The following SCLT1 variants were observed in gnomAD, a reference collection of about 807,000 sequenced individuals.
SCLT1 encodes the protein sodium channel and clathrin linker 1.
SCLT1 carries 78 observed loss-of-function variants against 112.8 expected under a neutral mutation model. The ratio of observed to expected loss-of-function variants is 0.69; its 90% CI spans 0.58 to 0.83. SCLT1 has a LOEUF of 0.83. Ranked by LOEUF, SCLT1 falls within the 40% of genes least tolerant of loss-of-function variation. The pLI is 0.00. For synonymous variants in SCLT1, 257 were observed against 254.7 expected, an observed-to-expected ratio of 1.01 and a Z score of -0.09; for missense variants, 747 against 770.4, an observed-to-expected ratio of 0.97 and a Z score of 0.36.
chr4:128,891,278 TCTCAAGGAC>T, intron 18 of SCLT1, 141 bp from the exon 19 acceptor site: 1 of 624,198 alleles, frequency 1.6e-6, no homozygotes, highest in South Asian at 2.1e-5. Flanking sequence ...ATAGACCATA[TCTCAAGGAC>T]TTGTTTATTT....
intron 1 of SCLT1, among the ~76,000 whole-genome samples, chr4:129,088,154 A>C (rs1009288714): frequency 2.6e-5 from 4 of 152,174 alleles, no homozygotes; most frequent in Admixed American, 2.6e-4. Context: ...AAATTCAACA[A>C]TATAGAAAAA....
At chr4:128,883,797 T>C (rs1191387215), downstream of SCLT1, among the ~76,000 whole-genome samples, 3 of 152,210 alleles carry the variant, frequency 2.0e-5, no homozygotes, top group Non-Finnish European at 4.4e-5. Flanking sequence ...AACATGTATC[T>C]ATGAAGATCA....
At chr4:128,895,218 C>T (rs1426735462) in intron 18 of SCLT1, among the ~76,000 whole-genome samples, 1 of 152,132 alleles carries the variant, frequency 6.6e-6, no homozygotes, top group African/African-American at 2.4e-5. Flanking sequence ...TAGTGGGTTT[C>T]CCTCTCTAAA....
intron 5 of SCLT1, among the ~76,000 whole-genome samples, chr4:129,011,344 C>T (rs1187866228): frequency 6.6e-6 from 1 of 151,972 alleles, no homozygotes; most frequent in Non-Finnish European, 1.5e-5. Context: ...GGATTTTTGT[C>T]TCTATGTTCA....
intron 5 of SCLT1, chr4:129,036,839 T>C (rs1465377352): frequency 4.6e-5 from 7 of 151,690 alleles, no homozygotes; most frequent in Non-Finnish European, 8.8e-5. Flanking sequence ...ATAAAATTAC[T>C]ACATAACATA....
At chr4:129,089,158 A>G (rs1028336068) in intron 1 of SCLT1, among the ~76,000 whole-genome samples, 1 of 152,226 alleles carries the variant, frequency 6.6e-6, no homozygotes, top group Non-Finnish European at 1.5e-5. Context: ...GCAAATTTAC[A>G]AGAGAAAAGC....
intron 18 of SCLT1, among the ~76,000 whole-genome samples, chr4:128,929,773 G>A (rs959009226): frequency 1.3e-5 from 2 of 152,170 alleles, no homozygotes; most frequent in Admixed American, 6.5e-5. Flanking sequence ...AAATGTTTCA[G>A]GGATGAATGG....
intron 5 of SCLT1, among the ~76,000 whole-genome samples, chr4:129,018,927 C>A (rs1163228911): frequency 1.3e-5 from 2 of 152,022 alleles, no homozygotes; most frequent in East Asian, 3.9e-4. Context: ...AAAGACATTT[C>A]TGATTAAATT....
At chr4:129,006,173 A>G (rs934111461) in intron 5 of SCLT1, among the ~76,000 whole-genome samples, 3 of 152,150 alleles carry the variant, frequency 2.0e-5, no homozygotes, top group African/African-American at 7.2e-5. Context: ...TAATAAAAAA[A>G]ATTCATTTAA....
At chr4:128,918,298 T>C (rs1390145697) in intron 18 of SCLT1, among the ~76,000 whole-genome samples, 1 of 152,074 alleles carries the variant, frequency 6.6e-6, no homozygotes, top group Non-Finnish European at 1.5e-5. Flanking sequence ...AATAAAATGG[T>C]ACAGGACATA....
chr4:128,980,457 C>T (rs549711506), intron 9 of SCLT1, among the ~76,000 whole-genome samples: 13 of 152,142 alleles, frequency 8.5e-5, no homozygotes, highest in African/African-American at 3.1e-4. Context: ...ATATAATTTA[C>T]CTTTCCAGAT....
intron 1 of SCLT1, among the ~76,000 whole-genome samples, chr4:129,086,216 T>A (rs1452626243): frequency 1.3e-5 from 2 of 152,110 alleles, no homozygotes; most frequent in Non-Finnish European, 1.5e-5. Context: ...AAAATTTTAC[T>A]GTAACTTAAA....
At chr4:128,979,263 A>G (rs1028956276) in intron 9 of SCLT1, among the ~76,000 whole-genome samples, 8 of 152,196 alleles carry the variant, frequency 5.3e-5, no homozygotes, top group African/African-American at 1.9e-4. Flanking sequence ...TGCAAAATTC[A>G]TATGTTGAAA....
At chr4:129,029,913 A>T (rs1746542073) in intron 5 of SCLT1, among the ~76,000 whole-genome samples, 1 of 152,080 alleles carries the variant, frequency 6.6e-6, no homozygotes, top group Non-Finnish European at 1.5e-5. Flanking sequence ...AAAACAGAAA[A>T]TTAACAAGGA....
Position 128,912,954 on chromosome 4 carries a change from G to A in SCLT1, c.1830-21817C>T, listed in dbSNP as rs1579357301. On this transcript the variant is annotated intron_variant, in intron 18 of 20. Transcript: ENST00000281142. ...AATCTTGACTATTTAGGCTAGGCAG[G>A]GCTTTGTTACCAAATGTGATTTGCT... is the stretch of plus-strand genomic sequence containing the variant. Among the ~76,000 whole-genome samples the A allele has an allele frequency of 2.0e-5, 3 of 152,104 alleles. No homozygotes were observed. In the South Asian group the frequency reaches 6.2e-4, roughly 32 times the overall value.
chr4:128,875,832 TTAAA>T (rs1732506238), intron 4 of SCLT1, among the ~76,000 whole-genome samples: 1 of 152,236 alleles, frequency 6.6e-6, no homozygotes, highest in Non-Finnish European at 1.5e-5. Flanking sequence ...AATACAACCT[TTAAA>T]TAATTTTTAA....
intron 9 of SCLT1, 139 bp from the exon 10 acceptor site, chr4:128,970,607 AT>A: frequency 1.6e-6 from 1 of 606,672 alleles, no homozygotes; most frequent in Non-Finnish European, 2.9e-6. Flanking sequence ...ATTTTGGAAG[AT>A]TCCTTTATTA....
chr4:128,892,047 ATAGT>A (rs747791211), intron 18 of SCLT1, among the ~76,000 whole-genome samples: 3 of 152,202 alleles, frequency 2.0e-5, no homozygotes, highest in Non-Finnish European at 4.4e-5. Flanking sequence ...TCAGTGCAGT[ATAGT>A]TAGAATTCTT....
chr4:128,978,018 C>T (rs552762316), intron 9 of SCLT1, among the ~76,000 whole-genome samples: 83 of 152,112 alleles, frequency 5.5e-4, no homozygotes, highest in African/African-American at 1.6e-3. Flanking sequence ...AGAGCCAACA[C>T]GAGCAGATGT....
Sources: gnomAD v4.1 joint callset for allele counts (sites outside exome capture counted in the v4.1 genomes callset) on GRCh38, gnomAD v4.1.1 for gene constraint, MANE v1.5 for transcripts, NCBI Gene and HGNC (gene_info 2026-07-23, HGNC 2026-07-21) for gene names.